TAF3: variants seen among roughly 807,000 people sequenced by gnomAD.
TAF3 encodes the protein TATA-box binding protein associated factor 3.
Under a neutral mutation model 80.6 loss-of-function variants are expected in TAF3, and 7 were observed. That is an observed-to-expected ratio of 0.09 (90% confidence interval 0.05 to 0.16). TAF3 has a LOEUF of 0.16. TAF3 is among the 10% of genes least tolerant of loss of function. TAF3 has a pLI of 1.00. For synonymous variants in TAF3, 444 were observed against 446.1 expected, an observed-to-expected ratio of 1.00 and a Z score of 0.06; for missense variants, 921 against 1,140.2, an observed-to-expected ratio of 0.81 and a Z score of 2.77.
At chr10:7,867,066 C>T (rs1416574501) in intron 2 of TAF3, among the ~76,000 whole-genome samples, 3 of 152,068 alleles carry the variant, frequency 2.0e-5, no homozygotes, top group South Asian at 4.2e-4. Flanking sequence ...TGAGACGAGC[C>T]TGGTGAACAT....
At chr10:7,916,189 C>T (rs577155902) in intron 2 of TAF3, among the ~76,000 whole-genome samples, 1 of 152,262 alleles carries the variant, frequency 6.6e-6, no homozygotes, top group East Asian at 1.9e-4. Context: ...TTTCAGTGAG[C>T]TAGACAGTTT....
intron 2 of TAF3, among the ~76,000 whole-genome samples, chr10:7,921,640 C>G (rs1837763693): frequency 6.6e-6 from 1 of 152,018 alleles, no homozygotes; most frequent in South Asian, 2.1e-4. Context: ...TGTAAAATAC[C>G]TTTTACTGTG....
At chr10:7,998,788 G>A (rs906856732) in intron 4 of TAF3, among the ~76,000 whole-genome samples, 24 of 151,644 alleles carry the variant, frequency 1.6e-4, no homozygotes, top group African/African-American at 4.1e-4. Context: ...GCAGTGAGCC[G>A]GGATCGCGCC....
intron 2 of TAF3, among the ~76,000 whole-genome samples, chr10:7,943,214 G>A (rs996580835): frequency 5.9e-5 from 9 of 152,242 alleles, no homozygotes; most frequent in African/African-American, 1.9e-4. Context: ...TGAAACAGGC[G>A]CTCGATGTTG....
At position 7,900,909 on chromosome 10, in the gene TAF3, C is replaced by T. The variant is rs147705869; in HGVS notation, c.410-63011C>T. On this transcript the variant is annotated intron_variant, in intron 2 of 6. Transcript: ENST00000344293. ...AATAAATTTATCACAAAACAATTCA[C>T]GTTTAGGATACCATATTAATCTTTT... Among the ~76,000 whole-genome samples the T allele has an allele frequency of 3.4e-3, 225 of 65,574 alleles. 2 individuals are homozygous for T. The highest frequency in any genetic ancestry group is 0.011 in the African/African-American group (219 of 19,444). 43.0% of individuals were successfully genotyped at this position (65,574 alleles called of 152,430 possible). A position where few individuals can be genotyped will look rare whatever the true frequency, so the allele number is the denominator to read the frequency against.
chr10:7,868,571 A>T (rs1029008708), intron 2 of TAF3, among the ~76,000 whole-genome samples: 2 of 152,234 alleles, frequency 1.3e-5, no homozygotes, highest in Non-Finnish European at 2.9e-5. Flanking sequence ...ACAATCTTGG[A>T]TTCACATCCT....
chr10:7,876,526 C>T (rs575818871), intron 2 of TAF3, among the ~76,000 whole-genome samples: 11 of 152,254 alleles, frequency 7.2e-5, no homozygotes, highest in African/African-American at 2.2e-4. Context: ...TCCTGTAATG[C>T]TGTTTTTGGA....
At chr10:7,956,778 G>A (rs1212619218) in intron 2 of TAF3, among the ~76,000 whole-genome samples, 1 of 152,150 alleles carries the variant, frequency 6.6e-6, no homozygotes, top group Non-Finnish European at 1.5e-5. Context: ...CCTTCTTACT[G>A]TGGCCATTTC....
At chr10:7,838,426 G>A (rs1182564936) in intron 2 of TAF3, among the ~76,000 whole-genome samples, 1 of 152,006 alleles carries the variant, frequency 6.6e-6, no homozygotes, top group African/African-American at 2.4e-5. Flanking sequence ...CTGTTGCCCA[G>A]GCCAGAGTGC....
intron 2 of TAF3, among the ~76,000 whole-genome samples, chr10:7,844,402 G>C (rs1836948835): frequency 7.0e-6 from 1 of 143,104 alleles, no homozygotes; most frequent in African/African-American, 2.6e-5. Flanking sequence ...TTTTGAGACG[G>C]AGTCTTGCTC....
intron 2 of TAF3, among the ~76,000 whole-genome samples, chr10:7,909,811 A>G (rs1248436711): frequency 6.6e-6 from 1 of 152,178 alleles, no homozygotes; most frequent in Admixed American, 6.5e-5. Flanking sequence ...AGCCTATAAC[A>G]TTGAAACCTT....
At chr10:7,909,744 A>T (rs989724049) in intron 2 of TAF3, among the ~76,000 whole-genome samples, 2 of 152,238 alleles carry the variant, frequency 1.3e-5, no homozygotes, top group Non-Finnish European at 2.9e-5. Flanking sequence ...TTACCACTTT[A>T]TATCTTTATA....
At chr10:7,820,272 G>T (rs1836678020) in intron 1 of TAF3, among the ~76,000 whole-genome samples, 1 of 152,050 alleles carries the variant, frequency 6.6e-6, no homozygotes, top group Non-Finnish European at 1.5e-5. Context: ...TTGTCATCTT[G>T]TTTTGTAATC....
intron 1 of TAF3, 77 bp from the exon 2 acceptor site, chr10:7,824,241 C>A: frequency 1.3e-6 from 2 of 1,491,766 alleles, no homozygotes; most frequent in Non-Finnish European, 1.8e-6. Context: ...TATTTACTTA[C>A]TACTTTTTCT....
At chr10:8,002,644 A>G (rs537224914) in intron 4 of TAF3, among the ~76,000 whole-genome samples, 1 of 152,324 alleles carries the variant, frequency 6.6e-6, no homozygotes, top group Admixed American at 6.5e-5. Context: ...TATTTTAGAA[A>G]AGAATGAATA....
chr10:7,824,652 C>A, intron 2 of TAF3, 92 bp downstream of exon 2: 1 of 1,442,018 alleles, frequency 6.9e-7, no homozygotes, highest in Non-Finnish European at 9.4e-7. Flanking sequence ...TTTATAAATT[C>A]TGGAAACACA....
At chr10:7,876,500 T>C (rs2131150403) in intron 2 of TAF3, among the ~76,000 whole-genome samples, 1 of 152,328 alleles carries the variant, frequency 6.6e-6, no homozygotes, top group East Asian at 1.9e-4. Context: ...AACAACTTAT[T>C]TATTGTAGCA....
intron 3 of TAF3, among the ~76,000 whole-genome samples, chr10:7,975,999 G>A (rs1393743537): frequency 6.6e-6 from 1 of 152,084 alleles, no homozygotes; most frequent in Non-Finnish European, 1.5e-5. Context: ...CAGCCCCACC[G>A]AAAGACTTGG....
intron 2 of TAF3, among the ~76,000 whole-genome samples, chr10:7,954,197 G>T (rs1588564452): frequency 7.5e-6 from 1 of 133,246 alleles, no homozygotes; most frequent in African/African-American, 2.7e-5. Context: ...TGAATGAGTG[G>T]ATTAGTCCTA....
Sources: allele counts gnomAD v4.1 joint callset (sites outside exome capture counted in the v4.1 genomes callset), GRCh38; gene constraint gnomAD v4.1.1; transcripts MANE v1.5; gene names NCBI Gene and HGNC (gene_info 2026-07-23, HGNC 2026-07-21).